The following ADRA1B variants were observed in gnomAD, a reference collection of about 807,000 sequenced individuals.
The protein encoded by ADRA1B is alpha-1B adrenergic receptor.
ADRA1B carries 17 observed loss-of-function variants against 17.9 expected under a neutral mutation model. The ratio of observed to expected loss-of-function variants is 0.95; its 90% confidence interval spans 0.65 to 1.42. The LOEUF (loss-of-function observed/expected upper bound fraction) is 1.42, where lower values mean the gene tolerates loss of function less well. Ranked by LOEUF, ADRA1B falls within the 40% of genes most tolerant of loss-of-function variation. The pLI is 0.00. For synonymous variants in ADRA1B, 366 were observed against 327.6 expected, an observed-to-expected ratio of 1.12 and a Z score of -1.27; for missense variants, 681 against 722.1, an observed-to-expected ratio of 0.94 and a Z score of 0.65.
rs990981101 is a variant in ADRA1B, at chr5:159,917,041, A to G, written c.136A>G (p.Ile46Val). 1.9e-6 allele frequency: 3 copies of G among 1,613,988 alleles called. No individual in the cohort carries two copies. In the African/African-American group the frequency reaches 4.0e-5, roughly 22 times the overall value. Reference protein sequence around the residue: ...TLPQLDITRAISVGLVLGAFI... With the variant: ...TLPQLDITRAVSVGLVLGAFI... ...GCCCCAGCTGGACATCACCAGGGCC[A>G]TCTCTGTGGGCCTGGTGCTGGGCGC... Residue 46 changes from isoleucine to valine, a missense_variant, in exon 1 of 2, where the codon ATC becomes GTC. Physicochemically the swap from Ile to Val is conservative, Grantham distance 29. Around this residue, in one of 3 missense-constraint regions of ADRA1B, gnomAD observed 424 missense variants for 480.2 expected, o/e 0.88. Transcript: ENST00000306675.
chr5:159,876,900 T>C (rs1464798181), intron 1 of ADRA1B, among the ~76,000 whole-genome samples: 1 of 152,234 alleles, frequency 6.6e-6, no homozygotes, highest in East Asian at 1.9e-4. Context: ...GTTAGGGGCC[T>C]GGCGCTTGTG....
intron 1 of ADRA1B, among the ~76,000 whole-genome samples, chr5:159,961,070 T>G (rs1280810812): frequency 1.3e-5 from 2 of 152,222 alleles, no homozygotes; most frequent in Non-Finnish European, 2.9e-5. Context: ...CTTTGACAAT[T>G]CAGCATTCCC....
intron 1 of ADRA1B, among the ~76,000 whole-genome samples, chr5:159,874,797 G>A (rs1178668518): frequency 6.6e-6 from 1 of 152,200 alleles, no homozygotes; most frequent in African/African-American, 2.4e-5. Flanking sequence ...GTCTAACAAA[G>A]GTCTAAAATG....
chr5:159,917,320 A>G lies in ADRA1B; in HGVS notation c.415A>G (p.Ile139Val). The G allele has an allele frequency of 1.2e-6, 2 of 1,613,998 alleles. No homozygotes were observed. Among genetic ancestry groups the G allele is most frequent in the Non-Finnish European group, 8.5e-7 (1 of 1,180,000 alleles). ...CTASILSLCA[I>V]SIDRYIGVRY... ...AGCGTCCATTCTGAGCCTGTGCGCC[A>G]TCTCCATCGATCGCTACATCGGGGT... The change falls in exon 1 of 2, where the codon ATC becomes GTC. Residue 139 changes from isoleucine to valine, a missense_variant. Ile to Val is a conservative substitution (Grantham distance 29). Transcript: ENST00000306675.
intron 1 of ADRA1B, among the ~76,000 whole-genome samples, chr5:159,950,069 C>G (rs969423770): frequency 6.6e-6 from 1 of 152,182 alleles, no homozygotes; most frequent in Non-Finnish European, 1.5e-5. Context: ...TCTGTGAGCC[C>G]TCCTTGACCA....
At chr5:159,871,747 T>C (rs1753744294) in intron 1 of ADRA1B, among the ~76,000 whole-genome samples, 1 of 152,188 alleles carries the variant, frequency 6.6e-6, no homozygotes, top group South Asian at 2.1e-4. Flanking sequence ...GATCTGCTAT[T>C]CAACCCAATA....
intron 1 of ADRA1B, among the ~76,000 whole-genome samples, chr5:159,874,412 T>C (rs772024997): frequency 3.3e-5 from 5 of 152,236 alleles, no homozygotes; most frequent in Non-Finnish European, 5.9e-5. Flanking sequence ...GGTGGCCTCC[T>C]TCACAATTTT....
chr5:159,909,196 C>G (rs1053992018), intron 1 of ADRA1B, among the ~76,000 whole-genome samples: 8 of 152,168 alleles, frequency 5.3e-5, no homozygotes, highest in Non-Finnish European at 1.0e-4. Context: ...CTTCACTATG[C>G]TCCCCGTTCC....
At chr5:159,974,083 AG>A (rs139029420), downstream of ADRA1B, among the ~76,000 whole-genome samples, 1,947 of 152,288 alleles carry the variant, frequency 0.013, 31 homozygotes, top group African/African-American at 0.043. Context: ...AAATACTTAA[AG>A]GGGAAAGAGC....
intron 1 of ADRA1B, among the ~76,000 whole-genome samples, chr5:159,963,306 A>ATATC (rs910669959): frequency 2.0e-5 from 3 of 150,080 alleles, no homozygotes; most frequent in African/African-American, 7.4e-5. Context: ...ATATATATAT[A>ATATC]TATCCACACA....
At chr5:159,889,248 G>A (rs977556073) in intron 1 of ADRA1B, among the ~76,000 whole-genome samples, 1 of 152,024 alleles carries the variant, frequency 6.6e-6, no homozygotes, top group Non-Finnish European at 1.5e-5. Context: ...GGAAGTAGCC[G>A]CCACACTGTA....
chr5:159,964,939 C>T (rs1755746749), intron 1 of ADRA1B, among the ~76,000 whole-genome samples: 1 of 152,174 alleles, frequency 6.6e-6, no homozygotes, highest in Non-Finnish European at 1.5e-5. Context: ...GAGCTCACCT[C>T]ATCCGTACAG....
In ADRA1B at chr5:159,972,426, G is replaced by T. The variant is rs950305174; in HGVS notation, c.1497G>T (p.Ala499=). ...CCAGCAACGGAGGCTGCGAGGCCGC[G>T]GCCGACGTGGCCAACGGGCAGCCGG... ...GGASNGGCEA[A]ADVANGQPGF... is the part of the protein sequence containing the mutation. The change falls in exon 2 of 2, where the codon GCG becomes GCT. Residue 499 remains alanine, a synonymous_variant. Coordinates refer to ENST00000306675, the MANE Select transcript of ADRA1B (RefSeq NM_000679.4). The T allele has an allele frequency of 6.7e-7, 1 of 1,503,326 alleles. No individual in the cohort carries two copies. Among genetic ancestry groups the T allele is most frequent in the African/African-American group, 1.4e-5 (1 of 70,170 alleles). 93.1% of individuals were successfully genotyped at this position (1,503,326 alleles called of 1,614,324 possible). A position where few individuals can be genotyped will look rare whatever the true frequency, so the allele number is the denominator to read the frequency against.
chr5:159,976,353 C>T (rs996919556), downstream of ADRA1B, among the ~76,000 whole-genome samples: 4 of 151,986 alleles, frequency 2.6e-5, no homozygotes, highest in South Asian at 2.1e-4. Flanking sequence ...AAATTTATCA[C>T]GGAGTAAAAG....
chr5:159,879,106 T>C (rs1753830171), intron 1 of ADRA1B, among the ~76,000 whole-genome samples: 1 of 152,306 alleles, frequency 6.6e-6, no homozygotes, highest in East Asian at 1.9e-4. Context: ...GGCAGAGCTG[T>C]GGGACCAACG....
At chr5:159,987,297 C>G in the ADRA1B span, among the ~76,000 whole-genome samples, 3 of 152,224 alleles carry the variant, frequency 2.0e-5, no homozygotes, top group African/African-American at 7.2e-5. Flanking sequence ...GGCGGGGGCG[C>G]CCAGGTGCGC....
intron 1 of ADRA1B, among the ~76,000 whole-genome samples, chr5:159,899,710 C>T (rs1561585437): frequency 6.6e-6 from 1 of 152,208 alleles, no homozygotes; most frequent in African/African-American, 2.4e-5. Flanking sequence ...GAAATGAAAA[C>T]TGTGGCAGGA....
At chr5:159,962,360 CAGACTGGTGCTGCCATCT>C (rs1439108817) in intron 1 of ADRA1B, among the ~76,000 whole-genome samples, 1 of 152,190 alleles carries the variant, frequency 6.6e-6, no homozygotes, top group Non-Finnish European at 1.5e-5. Flanking sequence ...TCAGGGACCT[CAGACTGGTGCTGCCATCT>C]GTCTGAGTGG....
chr5:159,869,978 T>C (rs967927902), intron 1 of ADRA1B: 2 of 152,194 alleles, frequency 1.3e-5, no homozygotes, highest in African/African-American at 4.8e-5. Flanking sequence ...TGGATTACCA[T>C]GGTTAAGAAA....
Sources: allele counts gnomAD v4.1 joint callset (sites outside exome capture counted in the v4.1 genomes callset), GRCh38; gene constraint gnomAD v4.1.1; regional missense constraint gnomAD v4.1.1; transcripts MANE v1.5; gene names NCBI Gene and HGNC (gene_info 2026-07-23, HGNC 2026-07-21).